Variants in HEATR4 observed in about 807,000 individuals in gnomAD.
The protein encoded by HEATR4 is HEAT repeat-containing protein 4.
A neutral mutation model predicts 108.8 loss-of-function variants in HEATR4; 95 were observed. That is an observed-to-expected ratio of 0.87 (90% confidence interval 0.74 to 1.04). The LOEUF is 1.04. HEATR4 is among the 50% of genes least tolerant of loss of function. HEATR4 has a pLI of 0.00. For synonymous variants in HEATR4, 443 were observed against 459.4 expected, an observed-to-expected ratio of 0.96 and a Z score of 0.46; for missense variants, 1,152 against 1,253.8, an observed-to-expected ratio of 0.92 and a Z score of 1.23.
At chr14:73,560,010 A>G (rs201201820), upstream of HEATR4, among the ~76,000 whole-genome samples, 1 of 152,104 alleles carries the variant, frequency 6.6e-6, no homozygotes, top group South Asian at 2.1e-4. Flanking sequence ...AATCCTGGCT[A>G]GATTATTAGC....
chr14:73,598,645 T>G, the HEATR4 span, among the ~76,000 whole-genome samples: 8 of 152,222 alleles, frequency 5.3e-5, 1 homozygote, highest in South Asian at 1.7e-3. Flanking sequence ...GGCAGGCAGA[T>G]CACCTGAGGT....
At chr14:73,483,848 T>C (rs1036943755) in intron 17 of HEATR4, among the ~76,000 whole-genome samples, 2 of 152,096 alleles carry the variant, frequency 1.3e-5, no homozygotes, top group African/African-American at 4.8e-5. Context: ...TGAAAACATT[T>C]TAGATGTCAA....
At chr14:73,513,728 CAAAA>C (rs747778891) in intron 6 of HEATR4, among the ~76,000 whole-genome samples, 86 of 46,758 alleles carry the variant, frequency 1.8e-3, no homozygotes, top group African/African-American at 4.0e-3. Context: ...ACTACGTCTC[CAAAA>C]AAAAAAAAAA....
intron 7 of HEATR4, among the ~76,000 whole-genome samples, chr14:73,511,309 TC>T (rs1887234294): frequency 6.6e-6 from 1 of 151,424 alleles, no homozygotes. Flanking sequence ...GGTCAGGAGT[TC>T]AAGACCAGCC....
the HEATR4 span, chr14:73,582,906 T>G: frequency 6.6e-6 from 1 of 152,192 alleles, no homozygotes; most frequent in South Asian, 2.1e-4. Context: ...TGCAATAAAT[T>G]ACTCTATGCT....
At chr14:73,595,160 G>T in the HEATR4 span, 2 of 1,614,214 alleles carry the variant, frequency 1.2e-6, no homozygotes, top group Admixed American at 1.7e-5. Context: ...CAATGGATCT[G>T]GGATCAGTGG....
chr14:73,572,686 C>T, the HEATR4 span, among the ~76,000 whole-genome samples: 8 of 138,138 alleles, frequency 5.8e-5, no homozygotes, highest in African/African-American at 7.9e-5. Context: ...CTCGCTCTTT[C>T]GCCCAGGCTG....
chr14:73,612,704 C>T, the HEATR4 span: 3 of 1,396,120 alleles, frequency 2.1e-6, no homozygotes, highest in South Asian at 3.2e-5. Flanking sequence ...AGAGGGCGCG[C>T]TCTTCCGGGC....
the HEATR4 span, among the ~76,000 whole-genome samples, chr14:73,625,640 C>T: frequency 1.1e-4 from 17 of 152,106 alleles, no homozygotes; most frequent in African/African-American, 3.6e-4. Context: ...GGATTACAGG[C>T]GTGAGCCACC....
the HEATR4 span, chr14:73,596,183 G>A: frequency 6.6e-6 from 1 of 152,370 alleles, no homozygotes; most frequent in South Asian, 2.1e-4. Flanking sequence ...GAATTACTAC[G>A]ATCTATTTTC....
chr14:73,560,529 G>C (rs1401086412), upstream of HEATR4, among the ~76,000 whole-genome samples: 1 of 151,828 alleles, frequency 6.6e-6, no homozygotes, highest in Non-Finnish European at 1.5e-5. Context: ...CAGGCGTGGT[G>C]GCAGGCGCCT....
At position 73,531,336 on chromosome 14, in the gene HEATR4, A is replaced by C. The variant is rs551940113; in HGVS notation, c.-151-1092T>G. On this transcript the variant is annotated intron_variant, in intron 1 of 17. Coordinates refer to ENST00000553558, the MANE Select transcript of HEATR4 (RefSeq NM_001220484.1). ...GGGGTATATCTTCAACCATTTATTA[A>C]ATTTCCTTCTTTGTAAACTGAGCTG... 5.3e-5 allele frequency: 6 copies of C among 112,394 alleles called. 3 individuals are homozygous for C. The East Asian group carries it at 4.3e-3, about 81-fold the overall frequency. The allele number at this position is 112,394 out of a possible 1,614,324, so 7.0% of individuals were successfully genotyped here.
At chr14:73,618,227 G>C in the HEATR4 span, among the ~76,000 whole-genome samples, 1 of 152,038 alleles carries the variant, frequency 6.6e-6, no homozygotes, top group Non-Finnish European at 1.5e-5. Flanking sequence ...TATCATCCAG[G>C]TTTAAAGAGA....
the HEATR4 span, chr14:73,581,046 G>A: frequency 6.6e-6 from 1 of 151,822 alleles, no homozygotes; most frequent in Admixed American, 6.6e-5. Flanking sequence ...ATAGTGTTTT[G>A]ATATGTGTAT....
chr14:73,592,261 C>A, the HEATR4 span: 2 of 1,613,238 alleles, frequency 1.2e-6, no homozygotes, highest in Non-Finnish European at 1.7e-6. Context: ...GTACAGATTC[C>A]TTTTGTCGTG....
the HEATR4 span, among the ~76,000 whole-genome samples, chr14:73,587,139 AAAC>A: frequency 8.6e-4 from 81 of 94,236 alleles, 1 homozygote; most frequent in African/African-American, 8.5e-4. Context: ...GTGTAAAAAA[AAAC>A]AAAAACAAAA....
intron 1 of HEATR4, among the ~76,000 whole-genome samples, chr14:73,550,234 G>C (rs546377973): frequency 0.031 from 3,466 of 112,304 alleles, 606 homozygotes; most frequent in African/African-American, 0.076. Context: ...AGGATAGGTA[G>C]CTAAGGGAGT....
intron 8 of HEATR4, 149 bp from the exon 9 acceptor site, chr14:73,508,443 A>G: frequency 4.4e-6 from 3 of 687,528 alleles, no homozygotes; most frequent in African/African-American, 1.8e-5. Context: ...TTCTTATTTA[A>G]ACCATATTGA....
intron 17 of HEATR4, among the ~76,000 whole-genome samples, chr14:73,489,674 C>A (rs780278955): frequency 2.0e-5 from 3 of 152,178 alleles, no homozygotes; most frequent in Non-Finnish European, 2.9e-5. Context: ...CACCCGCATG[C>A]CACCACATTG....
Sources: allele counts gnomAD v4.1 joint callset (sites outside exome capture counted in the v4.1 genomes callset), GRCh38; gene constraint gnomAD v4.1.1; transcripts MANE v1.5; gene names NCBI Gene and HGNC (gene_info 2026-07-23, HGNC 2026-07-21).